Variants in WDR20 observed in about 807,000 individuals in gnomAD.
WDR20 encodes the protein WD repeat domain 20.
In WDR20, 3 loss-of-function variants were observed where a neutral mutation model predicts 38.7. That is an observed-to-expected ratio of 0.08 (90% CI 0.04 to 0.20). WDR20 has a LOEUF of 0.20. Ranked by LOEUF, WDR20 falls within the 10% of genes least tolerant of loss-of-function variation. The pLI is 1.00. For synonymous variants in WDR20, 298 were observed against 285.6 expected (o/e 1.04, Z -0.44); for missense variants, 559 against 727.7 (o/e 0.77, Z 2.67).
intron 1 of WDR20, 94 bp from the exon 2 acceptor site, chr14:102,194,844 G>C (rs2059153468): frequency 3.1e-6 from 4 of 1,305,198 alleles, no homozygotes. Context: ...TTGTTTTTAA[G>C]ATGAAACATC....
At chr14:102,218,571 T>C (rs28723561), downstream of WDR20, among the ~76,000 whole-genome samples, 5,170 of 152,358 alleles carry the variant, frequency 0.034, 250 homozygotes, top group African/African-American at 0.1. Flanking sequence ...ATATATATTC[T>C]GGTGCAACAA....
downstream of WDR20, among the ~76,000 whole-genome samples, chr14:102,216,983 T>C (rs1393956069): frequency 1.3e-5 from 2 of 152,162 alleles, no homozygotes; most frequent in Non-Finnish European, 2.9e-5. Context: ...TCAGAATTAA[T>C]GGATTCTGAA....
chr14:102,149,692 T>TTTTA (rs898591343), intron 1 of WDR20, among the ~76,000 whole-genome samples: 21 of 152,286 alleles, frequency 1.4e-4, no homozygotes, highest in Admixed American at 1.1e-3. Flanking sequence ...ATCAATTCTA[T>TTTTA]TTTATTTATT....
At position 102,172,307 on chromosome 14, in the gene WDR20, C is replaced by G. The variant is rs1166139668; in HGVS notation, c.250-22631C>G. 1.7e-4 allele frequency among the ~76,000 whole-genome samples: 25 copies of G among 150,846 alleles called. 1 individual carries two copies. The highest frequency in any genetic ancestry group is 1.1e-3 in the Admixed American group (16 of 15,162). ...AATGAAAAGTCTCCCATGTCTGCTT[C>G]TTTCCACACAGACACAGCAACCATC... On this transcript the variant is annotated intron_variant, in intron 1 of 2. Coordinates refer to ENST00000342702, the MANE Select transcript of WDR20 (RefSeq NM_144574.4).
chr14:102,149,723 T>C (rs958115601), intron 1 of WDR20, among the ~76,000 whole-genome samples: 1 of 152,236 alleles, frequency 6.6e-6, no homozygotes, highest in East Asian at 1.9e-4. Flanking sequence ...AGACGGAGTC[T>C]CACTCTGTCG....
chr14:102,148,944 G>A (rs1384106049), intron 1 of WDR20, among the ~76,000 whole-genome samples: 6 of 152,072 alleles, frequency 3.9e-5, no homozygotes, highest in East Asian at 3.9e-4. Context: ...GGCGGATCAC[G>A]AGGTCAGGAG....
intron 1 of WDR20, among the ~76,000 whole-genome samples, chr14:102,161,142 A>ATATATATATATATATATATATAT (rs1342924049): frequency 6.2e-5 from 1 of 16,052 alleles, no homozygotes; most frequent in Non-Finnish European, 9.5e-5. Context: ...ATATATATAT[A>ATATATATATATATATATATATAT]TTTTTTTTTT....
chr14:102,140,246 C>T (rs1401894429), intron 1 of WDR20, 74 bp downstream of exon 1: 10 of 1,578,416 alleles, frequency 6.3e-6, no homozygotes, highest in Non-Finnish European at 8.6e-6. Flanking sequence ...GACAGTGGGG[C>T]CAGGGTGACC....
chr14:102,177,637 G>A (rs1175104334), intron 1 of WDR20, among the ~76,000 whole-genome samples: 4 of 152,148 alleles, frequency 2.6e-5, no homozygotes, highest in Admixed American at 6.5e-5. Flanking sequence ...TGGCTTTAAG[G>A]CAGTAACTTT....
intron 1 of WDR20, among the ~76,000 whole-genome samples, chr14:102,150,809 C>T (rs774845223): frequency 3.9e-4 from 59 of 152,140 alleles, no homozygotes; most frequent in Non-Finnish European, 7.6e-4. Flanking sequence ...TAACCAAGGA[C>T]GGACATGATA....
downstream of WDR20, among the ~76,000 whole-genome samples, chr14:102,216,811 TC>T: frequency 6.6e-6 from 1 of 152,224 alleles, no homozygotes; most frequent in South Asian, 2.1e-4. Flanking sequence ...GCGCCTGTAG[TC>T]CCAGCTACTC....
Position 102,208,419 on chromosome 14 carries a change from T to C in WDR20, c.433-184T>C, listed in dbSNP as rs183577669. ...GCAGCCTAACACCGATTTTAGAAAG[T>C]AATTCTAAATTACCCCAAAAGGGCC... is the stretch of plus-strand genomic sequence containing the variant. On this transcript the variant is annotated intron_variant, in intron 2 of 2. Transcript: ENST00000342702. This position sits in a 1 kb window ranked among gnomAD's most constrained non-coding sequence, Gnocchi z 5.6. Among the ~76,000 whole-genome samples the C allele has an allele frequency of 5.7e-4, 87 of 152,294 alleles. No homozygotes were observed. Among genetic ancestry groups the C allele is most frequent in the Non-Finnish European group, 1.1e-3 (76 of 68,018 alleles).
chr14:102,165,595 C>T (rs907422265), intron 1 of WDR20, among the ~76,000 whole-genome samples: 1 of 150,810 alleles, frequency 6.6e-6, no homozygotes, highest in Non-Finnish European at 1.5e-5. Flanking sequence ...TAGTCTTCAG[C>T]ATGTCAAGAC....
chr14:102,195,241 C>G (rs2059216241), intron 2 of WDR20, 121 bp downstream of exon 2: 1 of 1,062,344 alleles, frequency 9.4e-7, no homozygotes, highest in African/African-American at 1.6e-5. Flanking sequence ...CCCAGCCCTC[C>G]TACCTAGTAT....
chr14:102,170,969 T>G (rs2152821570), intron 1 of WDR20, among the ~76,000 whole-genome samples: 1 of 152,200 alleles, frequency 6.6e-6, no homozygotes, highest in African/African-American at 2.4e-5. Flanking sequence ...TAATAATTAT[T>G]ATTATTTTTT....
rs979224969 is a variant in WDR20 at position 102,205,412 on chromosome 14, G to C, written c.433-3191G>C. On this transcript the variant is annotated intron_variant, in intron 2 of 2. Transcript: ENST00000342702. The stretch of plus-strand genomic sequence containing the variant: ...CTCTGGAGAGAGAAATGAGAAACTA[G>C]TACAGTGACTCAGGACAGAGGATCC... Among the ~76,000 whole-genome samples the C allele has an allele frequency of 3.3e-5, 5 of 152,268 alleles. No homozygotes were observed. The East Asian group carries it at 5.8e-4, about 18-fold the overall frequency.
At chr14:102,141,645 T>TA (rs948153238) in intron 1 of WDR20, among the ~76,000 whole-genome samples, 2 of 152,140 alleles carry the variant, frequency 1.3e-5, no homozygotes, top group Non-Finnish European at 2.9e-5. Context: ...AAGGGAATGT[T>TA]ACAGTGCACG....
At chr14:102,154,078 TC>T (rs1466387780) in intron 1 of WDR20, among the ~76,000 whole-genome samples, 2 of 152,296 alleles carry the variant, frequency 1.3e-5, no homozygotes, top group East Asian at 3.9e-4. Flanking sequence ...TGGGAGGATC[TC>T]TTGAGCATAG....
chr14:102,181,813 T>C (rs1566945062), intron 1 of WDR20, among the ~76,000 whole-genome samples: 1 of 152,138 alleles, frequency 6.6e-6, no homozygotes, highest in Non-Finnish European at 1.5e-5. Context: ...TGACAAGCGT[T>C]AAGTTTTGGA....
Sources: allele counts gnomAD v4.1 joint callset (sites outside exome capture counted in the v4.1 genomes callset), GRCh38; gene constraint gnomAD v4.1.1; non-coding constraint Gnocchi (gnomAD v3.1); transcripts MANE v1.5; gene names NCBI Gene and HGNC (gene_info 2026-07-23, HGNC 2026-07-21).